Variants in TBC1D9 observed in about 807,000 individuals in gnomAD.
TBC1D9 encodes the protein TBC1 domain family member 9, also known as TBC1 domain family member 9A.
TBC1D9 carries 63 observed loss-of-function variants against 132.0 expected under a neutral mutation model. The ratio of observed to expected loss-of-function variants is 0.48; its 90% confidence interval spans 0.39 to 0.59. The LOEUF (loss-of-function observed/expected upper bound fraction) is 0.59, where lower values mean the gene tolerates loss of function less well. Among genes scored for constraint, TBC1D9 ranks in the 20% least tolerant of loss-of-function variants. The probability of loss-of-function intolerance (pLI) is 0.00; values close to 1 mark genes in which losing one functional copy is unlikely to be tolerated. For missense variants in TBC1D9, 1,261 were observed against 1,592.7 expected (o/e 0.79, Z 3.54); for synonymous variants, 610 against 609.9 (o/e 1.00, Z 0.00).
intron 2 of TBC1D9, among the ~76,000 whole-genome samples, chr4:140,687,935 G>A (rs1412648120): frequency 6.6e-6 from 1 of 151,878 alleles, no homozygotes; most frequent in South Asian, 2.1e-4. Flanking sequence ...ATAATAATAA[G>A]AAAAATTAGT....
At position 140,701,379 on chromosome 4, in the gene TBC1D9, C is replaced by T. The variant is rs576774582; in HGVS notation, c.241+125G>A. 1.4e-4 allele frequency: 96 copies of T among 700,476 alleles called. 1 individual carries two copies. Among genetic ancestry groups the T allele is most frequent in the South Asian group, 7.5e-4 (41 of 54,332 alleles). The allele number at this position is 700,476 out of a possible 1,614,324, so 43.4% of individuals were successfully genotyped here. On this transcript the variant is annotated intron_variant, in intron 2 of 20. Coordinates refer to ENST00000442267, the MANE Select transcript of TBC1D9 (RefSeq NM_015130.3). The stretch of plus-strand genomic sequence containing the variant: ...TTGGGTTCATGTGTTGAAATGGCTA[C>T]GGTTAATTACCCTAAAATACCAGTG...
At chr4:140,635,660 T>C (rs1277048787) in intron 15 of TBC1D9, among the ~76,000 whole-genome samples, 15 of 152,092 alleles carry the variant, frequency 9.9e-5, no homozygotes, top group Non-Finnish European at 1.2e-4. Flanking sequence ...TTGGGAATTG[T>C]AGTGAAAAAG....
intron 18 of TBC1D9, among the ~76,000 whole-genome samples, 167 bp downstream of exon 18, chr4:140,627,274 T>C (rs1736723984): frequency 1.3e-5 from 2 of 152,238 alleles, no homozygotes; most frequent in African/African-American, 4.8e-5. Context: ...AGGTACCTAC[T>C]GCCCAATAGT....
At chr4:140,744,261 A>T (rs933528070) in intron 1 of TBC1D9, among the ~76,000 whole-genome samples, 3 of 152,126 alleles carry the variant, frequency 2.0e-5, no homozygotes, top group Non-Finnish European at 4.4e-5. Flanking sequence ...CCACCCCAAC[A>T]CATAGAAGTC....
chr4:140,729,053 C>T (rs1738545347), intron 1 of TBC1D9, among the ~76,000 whole-genome samples: 2 of 152,108 alleles, frequency 1.3e-5, no homozygotes, highest in Non-Finnish European at 2.9e-5. Context: ...ATCCTCTTGG[C>T]AATGCTTTAA....
intron 9 of TBC1D9, among the ~76,000 whole-genome samples, chr4:140,666,446 C>T (rs1037338122): frequency 2.0e-5 from 3 of 152,228 alleles, no homozygotes; most frequent in African/African-American, 7.2e-5. Context: ...CGCCATTCTC[C>T]TGCCTCAGCC....
chr4:140,642,618 G>T (rs1363185403), intron 13 of TBC1D9: 4 of 828,456 alleles, frequency 4.8e-6, no homozygotes, highest in Non-Finnish European at 7.9e-6. Context: ...ATCTTCAGCT[G>T]ACTTATGAAC....
intron 3 of TBC1D9, among the ~76,000 whole-genome samples, chr4:140,681,428 T>C (rs1737701433): frequency 6.6e-6 from 1 of 152,226 alleles, no homozygotes; most frequent in Non-Finnish European, 1.5e-5. Flanking sequence ...GTTGTGATGC[T>C]GCTGAGTGGA....
intron 1 of TBC1D9, among the ~76,000 whole-genome samples, chr4:140,744,153 A>C (rs1738802749): frequency 6.6e-6 from 1 of 152,138 alleles, no homozygotes; most frequent in Admixed American, 6.5e-5. Context: ...ACAAGCAAGC[A>C]AAATCTGCTT....
chr4:140,645,199 AG>A (rs1737084762), intron 13 of TBC1D9: 4 of 544,680 alleles, frequency 7.3e-6, no homozygotes. Context: ...CAGTCCAGCC[AG>A]GCCCCCAGCA....
chr4:140,687,426 A>G (rs1737807294), intron 2 of TBC1D9, among the ~76,000 whole-genome samples: 1 of 134,320 alleles, frequency 7.4e-6, no homozygotes, highest in Non-Finnish European at 1.6e-5. Flanking sequence ...TCATTCCAGA[A>G]CTAAAGAAGG....
intron 2 of TBC1D9, among the ~76,000 whole-genome samples, chr4:140,687,378 A>C (rs924391399): frequency 5.7e-5 from 4 of 70,256 alleles, no homozygotes; most frequent in African/African-American, 2.7e-4. Context: ...ATATATATAT[A>C]TATATATATA....
intron 2 of TBC1D9, among the ~76,000 whole-genome samples, chr4:140,695,074 G>C (rs1054185970): frequency 6.6e-6 from 1 of 152,154 alleles, no homozygotes; most frequent in Non-Finnish European, 1.5e-5. Flanking sequence ...ATCTACAGTA[G>C]AGAATAAGAG....
chr4:140,634,329 T>C (rs1263094811), intron 15 of TBC1D9, 141 bp from the exon 16 acceptor site: 3 of 1,187,462 alleles, frequency 2.5e-6, no homozygotes, highest in Non-Finnish European at 3.5e-6. Flanking sequence ...AGGGCCCCCT[T>C]GGTCTCTTAG....
chr4:140,657,450 T>C, intron 12 of TBC1D9, 77 bp downstream of exon 12: 2 of 1,485,632 alleles, frequency 1.3e-6, no homozygotes, highest in Non-Finnish European at 1.8e-6. Flanking sequence ...ATCAAATCAG[T>C]TAAGACTCAT....
In TBC1D9 at chr4:140,729,697, G is replaced by A. The variant is rs193220445; in HGVS notation, c.130+26219C>T. Among the ~76,000 whole-genome samples, 525 of 151,940 alleles carry A rather than the reference G, an allele frequency of 3.5e-3. 2 individuals are homozygous for A. The highest frequency in any genetic ancestry group is 0.012 in the African/African-American group (493 of 41,428). On this transcript the variant is annotated intron_variant, in intron 1 of 20. Coordinates refer to ENST00000442267, the MANE Select transcript of TBC1D9 (RefSeq NM_015130.3). ...TGGCTGGGCCTGGTGGCATGCGCCT[G>A]TAGTCCCAGCTACTCAGAAGGCTGA... is the stretch of plus-strand genomic sequence containing the variant.
chr4:140,679,581 C>G (rs1737674696), intron 4 of TBC1D9, 34 bp downstream of exon 4: 1 of 1,542,446 alleles, frequency 6.5e-7, no homozygotes, highest in East Asian at 2.3e-5. Context: ...AGTAGACTTT[C>G]CAAAGTTTCC....
At chr4:140,661,768 C>G in intron 10 of TBC1D9, 125 bp downstream of exon 10, 1 of 780,054 alleles carries the variant, frequency 1.3e-6, no homozygotes, top group Non-Finnish European at 2.1e-6. Flanking sequence ...TCAACAGTGC[C>G]AAGGTTGAGA....
intron 13 of TBC1D9, chr4:140,645,622 CCTTT>C: frequency 4.1e-6 from 1 of 242,872 alleles, no homozygotes; most frequent in South Asian, 5.0e-5. Context: ...CAACACTCTT[CCTTT>C]GTTTAAAATT....
Sources: gnomAD v4.1 joint callset for allele counts (sites outside exome capture counted in the v4.1 genomes callset) on GRCh38, gnomAD v4.1.1 for gene constraint, MANE v1.5 for transcripts, NCBI Gene and HGNC (gene_info 2026-07-23, HGNC 2026-07-21) for gene names.